The following SVEP1 variants were observed in gnomAD, a reference collection of about 807,000 sequenced individuals.
SVEP1 encodes the protein sushi, von Willebrand factor type A, EGF and pentraxin domain containing 1.
Under a neutral mutation model 367.3 loss-of-function variants are expected in SVEP1, and 164 were observed. That is an observed-to-expected ratio of 0.45 (90% CI 0.39 to 0.51). The LOEUF (loss-of-function observed/expected upper bound fraction) is 0.51, where lower values mean the gene tolerates loss of function less well. SVEP1 is among the 20% of genes least tolerant of loss of function. The probability of loss-of-function intolerance (pLI) is 0.00; values close to 1 mark genes in which losing one functional copy is unlikely to be tolerated. For missense variants in SVEP1, 4,117 were observed against 4,425.3 expected (o/e 0.93, Z 1.98); for synonymous variants, 1,666 against 1,611.6 (o/e 1.03, Z -0.81).
At chr9:110,496,969 T>C in intron 7 of SVEP1, 36 bp from the exon 8 acceptor site, 1 of 1,322,982 alleles carries the variant, frequency 7.6e-7, no homozygotes, top group Non-Finnish European at 1.1e-6. Context: ...ATTAATACAC[T>C]GATATGTGGT....
chr9:110,405,182 G>A (rs780759994), intron 38 of SVEP1, among the ~76,000 whole-genome samples: 4 of 152,126 alleles, frequency 2.6e-5, no homozygotes, highest in Non-Finnish European at 5.9e-5. Context: ...TCTATAAACA[G>A]CTAACAGTTC....
chr9:110,524,699 A>ATATTAT (rs143284905), intron 3 of SVEP1, among the ~76,000 whole-genome samples: 1 of 150,284 alleles, frequency 6.7e-6, no homozygotes, highest in Non-Finnish European at 1.5e-5. Flanking sequence ...AATCATACAA[A>ATATTAT]TGTTATTATT....
chr9:110,527,469 A>G (rs1299359553), intron 3 of SVEP1, among the ~76,000 whole-genome samples: 1 of 152,062 alleles, frequency 6.6e-6, no homozygotes, highest in African/African-American at 2.4e-5. Flanking sequence ...AAATGTAAAA[A>G]TTGTGCTCCA....
chr9:110,412,759 AC>A (rs1828062105), intron 36 of SVEP1, among the ~76,000 whole-genome samples: 1 of 152,256 alleles, frequency 6.6e-6, no homozygotes, highest in African/African-American at 2.4e-5. Context: ...TCAAAAGAAG[AC>A]ATTTATGCAG....
chr9:110,435,674 A>G (rs1828421131), intron 28 of SVEP1, among the ~76,000 whole-genome samples: 1 of 152,152 alleles, frequency 6.6e-6, no homozygotes, highest in Admixed American at 6.6e-5. Flanking sequence ...CCCCTTCTTC[A>G]TTCTATGTCT....
chr9:110,507,839 G>A (rs1173861389), intron 5 of SVEP1, among the ~76,000 whole-genome samples: 1 of 152,058 alleles, frequency 6.6e-6, no homozygotes, highest in Non-Finnish European at 1.5e-5. Flanking sequence ...CAATGTTTTG[G>A]CTTCAACAAA....
At chr9:110,390,286 C>CTT (rs1564127486) in intron 40 of SVEP1, among the ~76,000 whole-genome samples, 8 of 39,926 alleles carry the variant, frequency 2.0e-4, no homozygotes, top group African/African-American at 6.9e-4. Flanking sequence ...TATATATATA[C>CTT]ATACTTATAT....
intron 9 of SVEP1, among the ~76,000 whole-genome samples, chr9:110,484,088 T>C (rs1829240481): frequency 6.6e-6 from 1 of 152,158 alleles, no homozygotes; most frequent in African/African-American, 2.4e-5. Flanking sequence ...ATTCCCATGA[T>C]GTTCCTCTTA....
At chr9:110,513,472 A>G (rs1220262853) in intron 4 of SVEP1, among the ~76,000 whole-genome samples, 1 of 152,208 alleles carries the variant, frequency 6.6e-6, no homozygotes, top group East Asian at 1.9e-4. Context: ...CTAGCAAAGT[A>G]TATTTGCTAC....
At position 110,479,655 on chromosome 9, in the gene SVEP1, C is replaced by G. The variant is rs1277329137; in HGVS notation, c.2467G>C (p.Glu823Gln). Residue 823 changes from glutamate to glutamine, a missense_variant, in exon 13 of 48, where the codon GAG becomes CAG. Physicochemically the swap from Glu to Gln is conservative, Grantham distance 29. Transcript: ENST00000374469. ...TGTACCATTTTTCCCAGGGTCGTCTCAAATGCTTCAGAAAACTTCTTCATC... is the reference window on the plus strand; with the variant it reads ...TGTACCATTTTTCCCAGGGTCGTCTGAAATGCTTCAGAAAACTTCTTCATC... ...DLMKKFSEAF[E>Q]TTLGKMVPSF... 6.2e-7 allele frequency: 1 copy of G among 1,609,284 alleles called. No homozygotes were observed. The highest frequency in any genetic ancestry group is 8.5e-7 in the Non-Finnish European group (1 of 1,178,412).
At chr9:110,491,269 A>G (rs751949459) in intron 8 of SVEP1, among the ~76,000 whole-genome samples, 2 of 151,968 alleles carry the variant, frequency 1.3e-5, no homozygotes, top group African/African-American at 2.4e-5. Context: ...TTACAGAATC[A>G]CTTTTCATGC....
intron 36 of SVEP1, among the ~76,000 whole-genome samples, chr9:110,414,981 G>A (rs1041042131): frequency 1.3e-5 from 2 of 151,854 alleles, no homozygotes; most frequent in Non-Finnish European, 2.9e-5. Flanking sequence ...TTCCCTCTGC[G>A]TTTCTCACCA....
chr9:110,545,081 C>A (rs574255373), intron 3 of SVEP1, among the ~76,000 whole-genome samples: 3 of 152,136 alleles, frequency 2.0e-5, no homozygotes, highest in Non-Finnish European at 4.4e-5. Context: ...CACGTTGCCA[C>A]GAATGATAGG....
At chr9:110,512,631 T>G (rs938041513) in intron 5 of SVEP1, among the ~76,000 whole-genome samples, 4 of 152,238 alleles carry the variant, frequency 2.6e-5, no homozygotes, top group African/African-American at 4.8e-5. Context: ...AACTCTCCTT[T>G]ATATCATGTC....
At chr9:110,391,025 AAAGAT>A (rs1480112401) in intron 40 of SVEP1, among the ~76,000 whole-genome samples, 3 of 152,302 alleles carry the variant, frequency 2.0e-5, no homozygotes, top group South Asian at 2.1e-4. Flanking sequence ...TGAATCTCTA[AAAGAT>A]AAGAGCTCTT....
intron 24 of SVEP1, among the ~76,000 whole-genome samples, chr9:110,448,770 C>A (rs1337917647): frequency 6.6e-6 from 1 of 152,180 alleles, no homozygotes; most frequent in Non-Finnish European, 1.5e-5. Flanking sequence ...TTCTCATTGT[C>A]TACAGTTATG....
Position 110,550,045 on chromosome 9 carries a change from T to C in SVEP1, c.591A>G (p.Gly197=), listed in dbSNP as rs1221148035. 7.4e-6 allele frequency: 12 copies of C among 1,614,044 alleles called. No individual in the cohort carries two copies. Among genetic ancestry groups the C allele is most frequent in the South Asian group, 1.1e-5 (1 of 91,082 alleles). Residue 197 remains glycine, a synonymous_variant, in exon 2 of 48, where the codon GGA becomes GGG. Coordinates refer to ENST00000374469, the MANE Select transcript of SVEP1 (RefSeq NM_153366.4). Reference sequence around the variant, plus strand: ...GTCTAGGGTCTCCCCCATTGGAATATCCATCAGTGATGAGAAATACAACTT... The same window carrying C: ...GTCTAGGGTCTCCCCCATTGGAATACCCATCAGTGATGAGAAATACAACTT... ...STKVVFLITD[G]YSNGGDPRPI... is the part of the protein sequence containing the mutation.
chr9:110,390,371 C>CTTATATATA (rs1564127641), intron 40 of SVEP1, among the ~76,000 whole-genome samples: 3 of 16,334 alleles, frequency 1.8e-4, no homozygotes, highest in South Asian at 1.7e-3. Context: ...ATACTTATAT[C>CTTATATATA]TACTTATATA....
At chr9:110,431,477 C>A (rs1468402610) in intron 32 of SVEP1, among the ~76,000 whole-genome samples, 1 of 152,016 alleles carries the variant, frequency 6.6e-6, no homozygotes, top group Non-Finnish European at 1.5e-5. Flanking sequence ...TATTGTAGTG[C>A]AAGATGTCTT....
Sources: allele counts gnomAD v4.1 joint callset (sites outside exome capture counted in the v4.1 genomes callset), GRCh38; gene constraint gnomAD v4.1.1; transcripts MANE v1.5; gene names NCBI Gene and HGNC (gene_info 2026-07-23, HGNC 2026-07-21).